CNTNAP2: variants seen among roughly 807,000 people sequenced by gnomAD.
CNTNAP2 encodes the protein contactin-associated protein-like 2.
Under a neutral mutation model 155.2 loss-of-function variants are expected in CNTNAP2, and 98 were observed. The ratio of observed to expected loss-of-function variants is 0.63; its 90% CI spans 0.54 to 0.75. The LOEUF is 0.75. Among genes scored for constraint, CNTNAP2 ranks in the 30% least tolerant of loss-of-function variants. The probability of loss-of-function intolerance (pLI) is 0.00; values close to 1 mark genes in which losing one functional copy is unlikely to be tolerated. For missense variants in CNTNAP2, 1,727 were observed against 1,688.1 expected, an observed-to-expected ratio of 1.02 and a Z score of -0.40; for synonymous variants, 651 against 631.2, an observed-to-expected ratio of 1.03 and a Z score of -0.47.
chr7:147,125,310 C>A (rs534626568), intron 6 of CNTNAP2, among the ~76,000 whole-genome samples: 1 of 152,112 alleles, frequency 6.6e-6, no homozygotes, highest in East Asian at 1.9e-4. Flanking sequence ...TCACCGCTCC[C>A]GGCATATATG....
chr7:146,808,197 C>G (rs1803002508), intron 2 of CNTNAP2, among the ~76,000 whole-genome samples: 2 of 152,108 alleles, frequency 1.3e-5, no homozygotes, highest in African/African-American at 2.4e-5. Flanking sequence ...TGCCTTAGGG[C>G]TTTATTTTCA....
intron 11 of CNTNAP2, among the ~76,000 whole-genome samples, chr7:147,541,085 C>A (rs946005128): frequency 6.6e-6 from 1 of 152,168 alleles, no homozygotes; most frequent in Non-Finnish European, 1.5e-5. Context: ...TTATGTTTAA[C>A]ATCTACTTCT....
chr7:148,393,972 T>G (rs1034981236), intron 22 of CNTNAP2, among the ~76,000 whole-genome samples: 2 of 151,928 alleles, frequency 1.3e-5, no homozygotes, highest in Non-Finnish European at 2.9e-5. Flanking sequence ...AATTAGTATT[T>G]TTAATGTTTT....
At chr7:146,343,768 A>AT (rs1214551008) in intron 1 of CNTNAP2, among the ~76,000 whole-genome samples, 1 of 152,090 alleles carries the variant, frequency 6.6e-6, no homozygotes, top group Admixed American at 6.5e-5. Flanking sequence ...ATTATTGCTT[A>AT]TTTTTTAATA....
Position 147,467,891 on chromosome 7 carries a change from C to T in CNTNAP2, c.1671-18044C>T, listed in dbSNP as rs532531101. ...AAAAAAATTTTAAAAATCAGCCAGG[C>T]ATGGTGATGCATGCCTGTAGTCCTA... On this transcript the variant is annotated intron_variant, in intron 10 of 23. Coordinates refer to ENST00000361727, the MANE Select transcript of CNTNAP2 (RefSeq NM_014141.6). Among the ~76,000 whole-genome samples, 3 of 151,924 alleles carry T rather than the reference C, an allele frequency of 2.0e-5. No individual in the cohort carries two copies. The East Asian group carries it at 5.8e-4, about 30-fold the overall frequency.
At chr7:146,819,245 C>T (rs1478960277) in intron 2 of CNTNAP2, among the ~76,000 whole-genome samples, 1 of 152,018 alleles carries the variant, frequency 6.6e-6, no homozygotes, top group Non-Finnish European at 1.5e-5. Context: ...ACATTATTTC[C>T]TCATTTAAGG....
intron 21 of CNTNAP2, among the ~76,000 whole-genome samples, chr7:148,306,250 ATTC>A (rs1403889125): frequency 2.6e-5 from 4 of 151,988 alleles, no homozygotes; most frequent in Non-Finnish European, 4.4e-5. Flanking sequence ...TTAGGTTCTT[ATTC>A]TTCTTTGTTT....
At chr7:147,492,858 C>G (rs187183718) in intron 11 of CNTNAP2, among the ~76,000 whole-genome samples, 5 of 152,238 alleles carry the variant, frequency 3.3e-5, no homozygotes, top group Admixed American at 3.3e-4. Context: ...CCCATCTCTC[C>G]GCCCCCGCTC....
At chr7:146,549,424 G>A (rs1187700970) in intron 1 of CNTNAP2, among the ~76,000 whole-genome samples, 1 of 151,966 alleles carries the variant, frequency 6.6e-6, no homozygotes, top group Non-Finnish European at 1.5e-5. Context: ...TATCTGTACT[G>A]TAAGGAAAAT....
intron 13 of CNTNAP2, among the ~76,000 whole-genome samples, chr7:147,863,325 A>G (rs750535940): frequency 6.6e-5 from 10 of 152,092 alleles, no homozygotes; most frequent in Non-Finnish European, 7.4e-5. Flanking sequence ...AATCCAATCT[A>G]TCATTGATGG....
At chr7:146,357,762 G>T (rs1039966058) in intron 1 of CNTNAP2, among the ~76,000 whole-genome samples, 2 of 151,746 alleles carry the variant, frequency 1.3e-5, no homozygotes, top group African/African-American at 2.4e-5. Context: ...TAATTTTACA[G>T]GTACTAACCC....
chr7:146,713,134 T>G (rs1801128108), intron 1 of CNTNAP2, among the ~76,000 whole-genome samples: 1 of 151,920 alleles, frequency 6.6e-6, no homozygotes, highest in Non-Finnish European at 1.5e-5. Flanking sequence ...GCAAGAGAGA[T>G]AAAACATATA....
intron 13 of CNTNAP2, among the ~76,000 whole-genome samples, chr7:147,839,498 A>G (rs1798690947): frequency 6.6e-6 from 1 of 152,198 alleles, no homozygotes; most frequent in Admixed American, 6.5e-5. Context: ...TGAGTCTTAA[A>G]GAGTAGGAGA....
chr7:147,496,428 C>A (rs956892443), intron 11 of CNTNAP2, among the ~76,000 whole-genome samples: 1 of 152,142 alleles, frequency 6.6e-6, no homozygotes, highest in African/African-American at 2.4e-5. Flanking sequence ...TTTTGAAAAC[C>A]ATTTGGATGA....
intron 10 of CNTNAP2, among the ~76,000 whole-genome samples, chr7:147,414,833 C>T (rs1362520819): frequency 2.8e-5 from 4 of 145,280 alleles, no homozygotes; most frequent in East Asian, 2.2e-4. Flanking sequence ...CCCAGCTACG[C>T]GGGAGGCTGA....
intron 3 of CNTNAP2, among the ~76,000 whole-genome samples, chr7:146,932,672 G>C (rs1796802709): frequency 6.6e-6 from 1 of 152,182 alleles, no homozygotes; most frequent in Admixed American, 6.5e-5. Context: ...TGACATGATA[G>C]TATATCTGGA....
intron 10 of CNTNAP2, among the ~76,000 whole-genome samples, chr7:147,424,891 C>G (rs1319111288): frequency 6.6e-6 from 1 of 152,016 alleles, no homozygotes; most frequent in African/African-American, 2.4e-5. Flanking sequence ...TCCAACCTAT[C>G]AGGAATGGCT....
intron 15 of CNTNAP2, among the ~76,000 whole-genome samples, chr7:148,054,118 A>G (rs929218173): frequency 6.6e-6 from 1 of 151,736 alleles, no homozygotes; most frequent in South Asian, 2.1e-4. Flanking sequence ...GACTACAGGT[A>G]CCCGCCACCA....
intron 21 of CNTNAP2, among the ~76,000 whole-genome samples, chr7:148,362,988 A>AT (rs35983945): frequency 0.4 from 60,856 of 150,668 alleles, 12,837 homozygotes; most frequent in African/African-American, 0.47. Flanking sequence ...TCAACATGCT[A>AT]TTTTTTTTTT....
Sources: gnomAD v4.1 joint callset for allele counts (sites outside exome capture counted in the v4.1 genomes callset) on GRCh38, gnomAD v4.1.1 for gene constraint, MANE v1.5 for transcripts, NCBI Gene and HGNC (gene_info 2026-07-23, HGNC 2026-07-21) for gene names.